The following PSEN2 variants were observed in gnomAD, a reference collection of about 807,000 sequenced individuals.
PSEN2 encodes presenilin 2.
In PSEN2, 32 loss-of-function variants were observed where a neutral mutation model predicts 49.1. That is an observed-to-expected ratio of 0.65 (90% CI 0.49 to 0.88). The LOEUF (loss-of-function observed/expected upper bound fraction) is 0.88, where lower values mean the gene tolerates loss of function less well. PSEN2 is among the 40% of genes least tolerant of loss of function. The pLI is 0.00. For synonymous variants in PSEN2, 255 were observed against 244.0 expected, an observed-to-expected ratio of 1.05 and a Z score of -0.42; for missense variants, 522 against 586.9, an observed-to-expected ratio of 0.89 and a Z score of 1.14.
rs141303900 is a variant in PSEN2, at chr1:226,888,432, G to C, written c.566+274G>C. Among the ~76,000 whole-genome samples the C allele has an allele frequency of 1.8e-3, 267 of 152,284 alleles. 1 individual carries two copies. The highest frequency in any genetic ancestry group is 6.3e-3 in the African/African-American group (260 of 41,544). On this transcript the variant is annotated intron_variant, in intron 7 of 12. Coordinates refer to ENST00000366783, the MANE Select transcript of PSEN2 (RefSeq NM_000447.3). ...GAAGGCTCTCTGTGAACCCCAGGGG[G>C]ATAGAAACCCCCCAAAATTTACATT... is the stretch of plus-strand genomic sequence containing the variant.
intron 3 of PSEN2, chr1:226,880,349 C>T (rs1055993257): frequency 1.5e-5 from 7 of 461,684 alleles, no homozygotes; most frequent in African/African-American, 1.0e-4. Flanking sequence ...TGTACTCCAA[C>T]GTAAGTGACC....
intron 3 of PSEN2, among the ~76,000 whole-genome samples, chr1:226,881,287 C>CAGA (rs1660970622): frequency 6.6e-6 from 1 of 152,202 alleles, no homozygotes; most frequent in African/African-American, 2.4e-5. Flanking sequence ...AGACCCTGAT[C>CAGA]ATCTCCACTG....
chr1:226,883,302 C>T (rs1661114315), intron 4 of PSEN2, among the ~76,000 whole-genome samples: 1 of 152,244 alleles, frequency 6.6e-6, no homozygotes. Context: ...ACTCCTCTAG[C>T]TAGTGATTTG....
intron 8 of PSEN2, 70 bp downstream of exon 8, chr1:226,889,119 A>C: frequency 7.1e-7 from 1 of 1,414,662 alleles, no homozygotes; most frequent in Admixed American, 1.9e-5. Flanking sequence ...CCAGTGCTGC[A>C]CAAGGAGGGC....
chr1:226,872,608 T>G (rs1042476876), intron 2 of PSEN2, among the ~76,000 whole-genome samples: 2 of 152,206 alleles, frequency 1.3e-5, no homozygotes, highest in Non-Finnish European at 2.9e-5. Flanking sequence ...AACAAAATTT[T>G]TTTAAAGAAA....
intron 2 of PSEN2, among the ~76,000 whole-genome samples, chr1:226,871,876 C>A (rs1412145495): frequency 6.6e-6 from 1 of 152,244 alleles, no homozygotes; most frequent in Non-Finnish European, 1.5e-5. Context: ...GGGCCTGGTT[C>A]TTGGCCCCAC....
Position 226,883,938 on chromosome 1 carries a change from GGGAGCAGGGTGGGGTGAGGGCTGAGT to G in PSEN2, c.356+20_356+45del. ...GACAGCTGTGAGTTGGGGGGCTGGG[GGGAGCAGGGTGGGGTGAGGGCTGAGT>G]TGCCAGGGGGTGGGGGGCGCAGCAG... On this transcript the variant is annotated intron_variant, in intron 5 of 12. Coordinates refer to ENST00000366783, the MANE Select transcript of PSEN2 (RefSeq NM_000447.3). 6.3e-7 allele frequency: 1 copy of G among 1,595,044 alleles called. No individual in the cohort carries two copies.
rs779700692 is a variant in PSEN2, at chr1:226,883,719, CGAGGAGGACGGT to C, written c.166_177del (p.Gly56_Asp59del). 1 of 1,613,872 alleles carries C rather than the reference CGAGGAGGACGGT, an allele frequency of 6.2e-7. No homozygotes were observed. The highest frequency in any genetic ancestry group is 8.5e-7 in the Non-Finnish European group (1 of 1,180,016). On this transcript the variant is annotated inframe_deletion, in exon 5 of 13. Coordinates refer to ENST00000366783, the MANE Select transcript of PSEN2 (RefSeq NM_000447.3). ...GTTTCCCACAGAGAAGCCAGGAGAACGAGGAGGACGGTGAGGAGGACCCTGACCGCTATGTCT... is the reference window on the plus strand; with the variant it reads ...GTTTCCCACAGAGAAGCCAGGAGAACGAGGAGGACCCTGACCGCTATGTCT...
chr1:226,901,393 G>A (rs967206326), downstream of PSEN2, among the ~76,000 whole-genome samples: 30 of 144,316 alleles, frequency 2.1e-4, no homozygotes, highest in African/African-American at 6.9e-4. Context: ...ACAAGATCAC[G>A]CCATTGCACT....
downstream of PSEN2, chr1:226,898,642 C>G: frequency 6.6e-6 from 1 of 152,154 alleles, no homozygotes; most frequent in South Asian, 2.1e-4. Context: ...TAGACAGAGT[C>G]TCGCGCTGTC....
intron 12 of PSEN2, among the ~76,000 whole-genome samples, chr1:226,894,645 A>G (rs2855563): frequency 0.84 from 128,236 of 152,196 alleles, 54,457 homozygotes; most frequent in African/African-American, 0.96. Flanking sequence ...AGTTAACGTG[A>G]CCAGATACAC....
At chr1:226,885,517 G>A (rs199882991) in intron 5 of PSEN2, 21 bp from the exon 6 acceptor site, 6 of 1,612,922 alleles carry the variant, frequency 3.7e-6, no homozygotes, top group Non-Finnish European at 5.1e-6. Flanking sequence ...GGGAGCATCA[G>A]CCCTTTGCCT....
In PSEN2 at chr1:226,895,866, G is replaced by A. The variant is rs200641411; in HGVS notation, c.*287G>A. 27 of 497,514 alleles carry A rather than the reference G, an allele frequency of 5.4e-5. No individual in the cohort carries two copies. Among genetic ancestry groups the A allele is most frequent in the Non-Finnish European group, 7.0e-5 (19 of 273,040 alleles). The allele number at this position is 497,514 out of a possible 1,614,324, so 30.8% of individuals were successfully genotyped here. On this transcript the variant is annotated 3_prime_UTR_variant, in exon 13 of 13. Coordinates refer to ENST00000366783, the MANE Select transcript of PSEN2 (RefSeq NM_000447.3). ...GATTAGGGCGGGGAGAAGAGCATCC[G>A]GCATGAGGGCTGAGATGCGCAAAGA...
At chr1:226,874,414 G>A (rs1387405389) in intron 2 of PSEN2, among the ~76,000 whole-genome samples, 7 of 152,184 alleles carry the variant, frequency 4.6e-5, no homozygotes, top group East Asian at 1.9e-4. Context: ...ACTAGGTGGC[G>A]TTGATGGCCT....
At chr1:226,903,629 G>C (rs559446036) in intron 12 of PSEN2, 1 of 151,552 alleles carries the variant, frequency 6.6e-6, no homozygotes, top group Admixed American at 6.6e-5. Flanking sequence ...GTTCTTTCTG[G>C]TCGTGTTTAC....
chr1:226,877,443 T>TG (rs1409868681), intron 3 of PSEN2, among the ~76,000 whole-genome samples: 1 of 152,242 alleles, frequency 6.6e-6, no homozygotes, highest in Non-Finnish European at 1.5e-5. Context: ...CAGCAGGTGC[T>TG]GGTCCATCTC....
chr1:226,873,816 T>C (rs1660458039), intron 2 of PSEN2, among the ~76,000 whole-genome samples: 1 of 152,236 alleles, frequency 6.6e-6, no homozygotes, highest in Non-Finnish European at 1.5e-5. Flanking sequence ...GAAGTTTGTG[T>C]ATCCTGTTTT....
In PSEN2 at chr1:226,891,324, T is replaced by C; in HGVS notation, c.933T>C (p.Ser311=). ...TVGMAKLDPS[S]QGALQLPYDP... ...GCATGGCGAAGCTGGACCCCTCCTC[T>C]CAGGGTGCCCTCCAGCTCCCCTACG... The change falls in exon 10 of 13, where the codon TCT becomes TCC. Residue 311 remains serine, a synonymous_variant. Coordinates refer to ENST00000366783, the MANE Select transcript of PSEN2 (RefSeq NM_000447.3). The C allele has an allele frequency of 6.2e-7, 1 of 1,613,858 alleles. No individual in the cohort carries two copies. The highest frequency in any genetic ancestry group is 8.5e-7 in the Non-Finnish European group (1 of 1,179,950).
In PSEN2 at chr1:226,882,037, A is replaced by G. The variant is rs200535276; in HGVS notation, c.130A>G (p.Thr44Ala). Residue 44 changes from threonine to alanine, a missense_variant, in exon 4 of 13, where the codon ACT (threonine) becomes GCT (alanine). Thr to Ala is a moderately conservative substitution (Grantham distance 58, BLOSUM62 0). Transcript: ENST00000366783. ...GRQGPEDGEN[T>A]AQWRSQENEE... ...GCAGGGCCCAGAGGATGGAGAGAAC[A>G]CTGCCCAGTGGGTAGGTCCCACCAG... The G allele has an allele frequency of 1.2e-6, 2 of 1,613,984 alleles. No individual in the cohort carries two copies. The highest frequency in any genetic ancestry group is 1.7e-4 in the Middle Eastern group (1 of 6,034).
Sources: gnomAD v4.1 joint callset for allele counts (sites outside exome capture counted in the v4.1 genomes callset) on GRCh38, gnomAD v4.1.1 for gene constraint, MANE v1.5 for transcripts, NCBI Gene and HGNC (gene_info 2026-07-23, HGNC 2026-07-21) for gene names.